Variants in EML1 observed in about 807,000 individuals in gnomAD.
The protein encoded by EML1 is EMAP like 1, also known as echinoderm microtubule-associated protein-like 1.
EML1 carries 27 observed loss-of-function variants against 110.4 expected under a neutral mutation model. The observed-to-expected ratio is 0.24, with a 90% CI of 0.18 to 0.34. The LOEUF is 0.34. Ranked by LOEUF, EML1 falls within the 10% of genes least tolerant of loss-of-function variation. The probability of loss-of-function intolerance (pLI) is 1.00; values close to 1 mark genes in which losing one functional copy is unlikely to be tolerated. For synonymous variants in EML1, 344 were observed against 385.8 expected, an observed-to-expected ratio of 0.89 and a Z score of 1.27; for missense variants, 741 against 1,030.9, an observed-to-expected ratio of 0.72 and a Z score of 3.85.
rs538719317 is a variant in EML1 at position 99,751,342 on chromosome 14, C to T, written c.28+13482C>T. ...ACAAGTGGGAGGTAACAAGGGGCCA[C>T]TGCATGGAGGGTCCTGGGTGACCCA... On this transcript the variant is annotated intron_variant, in intron 1 of 10. Transcript: ENST00000554479. 6.3e-4 allele frequency among the ~76,000 whole-genome samples: 96 copies of T among 152,282 alleles called. 1 individual carries two copies. The highest frequency in any genetic ancestry group is 2.2e-3 in the African/African-American group (92 of 41,578).
intron 2 of EML1, among the ~76,000 whole-genome samples, chr14:99,858,309 C>T (rs1180802880): frequency 7.9e-5 from 12 of 152,108 alleles, no homozygotes; most frequent in Middle Eastern, 3.4e-3. Flanking sequence ...CTCAGCCTCC[C>T]GAGTAGCTGG....
At chr14:99,739,091 T>TGTGTGTGTGTGTGTGTGTGA (rs112232539) in intron 1 of EML1, among the ~76,000 whole-genome samples, 7 of 136,398 alleles carry the variant, frequency 5.1e-5, no homozygotes, top group South Asian at 2.5e-4. Flanking sequence ...TGTGTGTGTG[T>TGTGTGTGTGTGTGTGTGTGA]GAGAGAGAGA....
chr14:99,935,942 A>G, intron 17 of EML1, 87 bp from the exon 18 acceptor site: 3 of 1,269,534 alleles, frequency 2.4e-6, no homozygotes, highest in South Asian at 2.5e-5. Flanking sequence ...TTTTGTCTAA[A>G]TCTGTGGTGG....
At chr14:99,791,851 C>T (rs2057677900), upstream of EML1, among the ~76,000 whole-genome samples, 1 of 152,210 alleles carries the variant, frequency 6.6e-6, no homozygotes, top group African/African-American at 2.4e-5. Context: ...CTTACCTGGC[C>T]CCTTGCCCTC....
chr14:99,807,929 T>TA (rs1479214353), intron 1 of EML1, among the ~76,000 whole-genome samples: 2 of 152,200 alleles, frequency 1.3e-5, no homozygotes, highest in Admixed American at 1.3e-4. Flanking sequence ...CCCCTCTGCT[T>TA]ACTGTGTGCC....
chr14:99,774,328 T>C (rs1162517014), intron 1 of EML1, among the ~76,000 whole-genome samples: 2 of 152,172 alleles, frequency 1.3e-5, no homozygotes, highest in African/African-American at 4.8e-5. Context: ...TCCACGCTCC[T>C]CACCACATTG....
At chr14:99,750,458 G>A (rs1278081999) in intron 1 of EML1, among the ~76,000 whole-genome samples, 3 of 152,222 alleles carry the variant, frequency 2.0e-5, no homozygotes, top group African/African-American at 7.2e-5. Context: ...TGAGGAATCA[G>A]ACAGATTGCT....
Position 99,827,216 on chromosome 14 carries a change from G to C in EML1, c.68-23637G>C, listed in dbSNP as rs765562041. The stretch of plus-strand genomic sequence containing the variant: ...TCTGGCTAGTGTCCTTATAAGAAGA[G>C]GAGATTAGTCACAGACACGTAGAGG... On this transcript the variant is annotated intron_variant, in intron 1 of 21. Coordinates refer to ENST00000262233, the MANE Select transcript of EML1 (RefSeq NM_004434.3). This position sits in a 1 kb window ranked among gnomAD's most constrained non-coding sequence, Gnocchi z 4.4. Among the ~76,000 whole-genome samples the C allele has an allele frequency of 1.3e-5, 2 of 152,024 alleles. No individual in the cohort carries two copies. The highest frequency in any genetic ancestry group is 2.9e-5 in the Non-Finnish European group (2 of 67,984).
chr14:99,853,505 G>A (rs547995304), intron 2 of EML1, among the ~76,000 whole-genome samples: 1 of 152,278 alleles, frequency 6.6e-6, no homozygotes, highest in South Asian at 2.1e-4. Context: ...ACCTCTGTCT[G>A]TCTTTAGAGC....
chr14:99,907,354 G>C (rs2059868204), intron 9 of EML1: 1 of 385,104 alleles, frequency 2.6e-6, no homozygotes, highest in Non-Finnish European at 4.6e-6. Context: ...CGCGGTCCCA[G>C]CTACATGGGA....
intron 4 of EML1, among the ~76,000 whole-genome samples, chr14:99,882,836 C>A (rs1002774373): frequency 1.3e-5 from 2 of 149,582 alleles, no homozygotes; most frequent in Non-Finnish European, 1.5e-5. Context: ...AAAAAAAAAA[C>A]CCACCTCAAA....
chr14:99,747,141 T>C (rs1173624188), intron 1 of EML1, among the ~76,000 whole-genome samples: 1 of 128,644 alleles, frequency 7.8e-6, no homozygotes, highest in Admixed American at 1.0e-4. Flanking sequence ...TGAGCCGAGA[T>C]AGCGCCACTG....
chr14:99,786,614 C>T (rs1310192939), intron 1 of EML1, among the ~76,000 whole-genome samples: 1 of 152,172 alleles, frequency 6.6e-6, no homozygotes, highest in East Asian at 1.9e-4. Flanking sequence ...GACTAGGGCA[C>T]AGCACTGGCC....
chr14:99,812,259 G>A (rs1227366685), intron 1 of EML1, among the ~76,000 whole-genome samples: 1 of 151,836 alleles, frequency 6.6e-6, no homozygotes, highest in Non-Finnish European at 1.5e-5. Flanking sequence ...GCCTGACTGT[G>A]CATGCCCAGC....
At chr14:99,903,737 C>T (rs2059796829) in intron 9 of EML1, among the ~76,000 whole-genome samples, 1 of 151,256 alleles carries the variant, frequency 6.6e-6, no homozygotes, top group South Asian at 2.1e-4. Context: ...CATTAGTGTA[C>T]TATTGATGTT....
At chr14:99,916,707 A>T (rs1199588495) in intron 15 of EML1, among the ~76,000 whole-genome samples, 2 of 152,184 alleles carry the variant, frequency 1.3e-5, no homozygotes, top group Non-Finnish European at 2.9e-5. Context: ...CACTCCTCAA[A>T]TATGCCCACA....
At chr14:99,778,880 T>C (rs981483875) in intron 1 of EML1, among the ~76,000 whole-genome samples, 2 of 152,240 alleles carry the variant, frequency 1.3e-5, no homozygotes, top group Admixed American at 1.3e-4. Context: ...TCTGAGACTG[T>C]TGTTTCTCTC....
chr14:99,750,211 G>A (rs146737844), intron 1 of EML1, among the ~76,000 whole-genome samples: 171 of 152,342 alleles, frequency 1.1e-3, no homozygotes, highest in African/African-American at 3.9e-3. Flanking sequence ...AACAATTCAC[G>A]TTCCATGCTG....
intron 2 of EML1, among the ~76,000 whole-genome samples, chr14:99,851,243 C>T (rs141275175): frequency 9.3e-4 from 141 of 152,202 alleles, no homozygotes; most frequent in Non-Finnish European, 1.6e-3. Flanking sequence ...CAGTGATGTA[C>T]ATTTGTAGGT....
Sources: allele counts gnomAD v4.1 joint callset (sites outside exome capture counted in the v4.1 genomes callset), GRCh38; gene constraint gnomAD v4.1.1; non-coding constraint Gnocchi (gnomAD v3.1); transcripts MANE v1.5; gene names NCBI Gene and HGNC (gene_info 2026-07-23, HGNC 2026-07-21).